The following ADGRL3 variants were observed in gnomAD, a reference collection of about 807,000 sequenced individuals.
ADGRL3 encodes the protein adhesion G protein-coupled receptor L3.
A neutral mutation model predicts 153.5 loss-of-function variants in ADGRL3; 62 were observed. The observed-to-expected ratio is 0.40, with a 90% confidence interval of 0.33 to 0.50. The LOEUF (loss-of-function observed/expected upper bound fraction) is 0.50. Ranked by LOEUF, ADGRL3 falls within the 20% of genes least tolerant of loss-of-function variation. The pLI, the probability that ADGRL3 is intolerant of heterozygous loss-of-function variation, is 0.47. For missense variants in ADGRL3, 1,641 were observed against 1,859.4 expected, an observed-to-expected ratio of 0.88 and a Z score of 2.16; for synonymous variants, 710 against 672.5, an observed-to-expected ratio of 1.06 and a Z score of -0.86.
In ADGRL3 at chr4:61,616,604, C is replaced by T. The variant is rs112735269; in HGVS notation, c.473+29164C>T. On this transcript the variant is annotated intron_variant, in intron 5 of 26. Coordinates refer to ENST00000683033, the MANE Select transcript of ADGRL3 (RefSeq NM_001387552.1). Reference sequence around the variant, plus strand: ...AGTTGGAAAAATAGTCTCTATCCAACTATTGACTACAACCTCCCACATTGA... The same window carrying T: ...AGTTGGAAAAATAGTCTCTATCCAATTATTGACTACAACCTCCCACATTGA... Among the ~76,000 whole-genome samples the T allele has an allele frequency of 1.9e-3, 291 of 152,224 alleles. 3 individuals carry two copies. The highest frequency in any genetic ancestry group is 6.5e-3 in the African/African-American group (269 of 41,572).
rs561160706 is a variant in ADGRL3 at position 61,983,680 on chromosome 4, A to G, written c.3236+77A>G. On this transcript the variant is annotated intron_variant, in intron 19 of 26. Transcript: ENST00000683033. ...GACTTTCTTGGAAGCAAAGGTCTTT[A>G]TATTACCTCACAGTGAAGAAACTGG... is the stretch of plus-strand genomic sequence containing the variant. 145 of 1,261,000 alleles carry G rather than the reference A, an allele frequency of 1.1e-4. 1 individual carries two copies. The African/African-American group carries it at 1.9e-3, about 17-fold the overall frequency. 78.1% of individuals were successfully genotyped at this position (1,261,000 alleles called of 1,614,324 possible).
intron 1 of ADGRL3, among the ~76,000 whole-genome samples, chr4:61,346,499 C>T (rs1009775941): frequency 1.3e-5 from 2 of 151,730 alleles, no homozygotes; most frequent in East Asian, 1.9e-4. Context: ...TGGGGTGGCT[C>T]ATGCCTGTAA....
At chr4:61,830,761 C>A (rs539687897) in intron 9 of ADGRL3, among the ~76,000 whole-genome samples, 2 of 152,234 alleles carry the variant, frequency 1.3e-5, no homozygotes, top group South Asian at 4.1e-4. Flanking sequence ...AATTAATCTA[C>A]AATAGACATA....
intron 8 of ADGRL3, among the ~76,000 whole-genome samples, chr4:61,812,560 A>C (rs934747005): frequency 6.6e-6 from 1 of 152,202 alleles, no homozygotes; most frequent in Non-Finnish European, 1.5e-5. Context: ...GCATATTCCC[A>C]TTGTAGAAAG....
intron 21 of ADGRL3, among the ~76,000 whole-genome samples, chr4:62,011,176 G>T (rs1437711280): frequency 1.3e-5 from 2 of 151,984 alleles, no homozygotes; most frequent in South Asian, 4.1e-4. Context: ...CCATCACTAG[G>T]TTCATGGCTG....
Position 61,732,852 on chromosome 4 carries a change from G to C in ADGRL3, c.697G>C (p.Ala233Pro). ...SGAWCKDPLQ[A>P]SDKIYYMPWT... ...GGCGTGGTGCAAAGACCCTCTGCAG[G>C]CATCTGACAAGATTTATTATATGCC... is the stretch of plus-strand genomic sequence containing the variant. The change falls in exon 8 of 27, where the codon GCA becomes CCA. Residue 233 changes from alanine to proline, a missense_variant. Ala to Pro is a conservative substitution (Grantham distance 27, BLOSUM62 -1). Around this residue, in one of 5 missense-constraint regions of ADGRL3, gnomAD observed 213 missense variants for 362.1 expected, o/e 0.59. Coordinates refer to ENST00000683033, the MANE Select transcript of ADGRL3 (RefSeq NM_001387552.1). 1 of 1,613,346 alleles carries C rather than the reference G, an allele frequency of 6.2e-7. No homozygotes were observed. Among genetic ancestry groups the C allele is most frequent in the Non-Finnish European group, 8.5e-7 (1 of 1,179,674 alleles).
intron 1 of ADGRL3, among the ~76,000 whole-genome samples, chr4:61,366,133 T>C (rs1416353121): frequency 7.6e-6 from 1 of 131,274 alleles, no homozygotes; most frequent in Non-Finnish European, 1.8e-5. Context: ...ATTTAAATAT[T>C]TTCTTTAAAA....
At chr4:61,897,209 G>A (rs972943303) in intron 11 of ADGRL3, among the ~76,000 whole-genome samples, 3 of 152,028 alleles carry the variant, frequency 2.0e-5, no homozygotes, top group Non-Finnish European at 4.4e-5. Flanking sequence ...TTCTTCCAGT[G>A]CATTTTGTTT....
intron 17 of ADGRL3, among the ~76,000 whole-genome samples, chr4:61,978,371 C>G (rs545434161): frequency 6.6e-6 from 1 of 151,440 alleles, no homozygotes. Context: ...GTGTATTATC[C>G]ATGTTTGTGA....
chr4:61,410,893 G>C (rs2097078838), intron 2 of ADGRL3, among the ~76,000 whole-genome samples: 1 of 152,178 alleles, frequency 6.6e-6, no homozygotes, highest in South Asian at 2.1e-4. Flanking sequence ...GATTCCAAAA[G>C]GTCTGAATCA....
chr4:61,695,926 G>A (rs564526899), intron 6 of ADGRL3, among the ~76,000 whole-genome samples: 14 of 152,244 alleles, frequency 9.2e-5, no homozygotes, highest in African/African-American at 3.1e-4. Flanking sequence ...ACCAATGTCT[G>A]CTAGCTTCCA....
At chr4:61,448,791 G>T (rs1560650169) in intron 2 of ADGRL3, among the ~76,000 whole-genome samples, 1 of 63,578 alleles carries the variant, frequency 1.6e-5, no homozygotes, top group African/African-American at 4.0e-5. Context: ...AAGGAGGGAG[G>T]GTAGGAGGGA....
chr4:62,000,685 A>G (rs2099137154), intron 21 of ADGRL3, among the ~76,000 whole-genome samples: 1 of 152,158 alleles, frequency 6.6e-6, no homozygotes, highest in Non-Finnish European at 1.5e-5. Context: ...TAAACCTTTG[A>G]TGGTGCTTTT....
At chr4:61,399,522 T>C in intron 2 of ADGRL3, among the ~76,000 whole-genome samples, 1 of 151,800 alleles carries the variant, frequency 6.6e-6, no homozygotes, top group African/African-American at 2.4e-5. Context: ...AAATGCCATG[T>C]GTGCATATTC....
intron 22 of ADGRL3, among the ~76,000 whole-genome samples, chr4:62,030,681 C>G (rs1385039286): frequency 1.3e-5 from 2 of 151,522 alleles, no homozygotes; most frequent in Non-Finnish European, 3.0e-5. Context: ...GCTTCATCTT[C>G]TCCCTTGAGT....
intron 1 of ADGRL3, among the ~76,000 whole-genome samples, chr4:61,333,778 A>C (rs573814249): frequency 6.6e-6 from 1 of 151,926 alleles, no homozygotes; most frequent in South Asian, 2.1e-4. Flanking sequence ...TAATTAATTT[A>C]TTAATGTATT....
intron 1 of ADGRL3, among the ~76,000 whole-genome samples, chr4:61,219,708 C>T (rs996710955): frequency 9.9e-5 from 15 of 152,160 alleles, no homozygotes; most frequent in African/African-American, 3.4e-4. Flanking sequence ...TCCCCGTGTT[C>T]TGCCCTCTAA....
chr4:61,548,491 T>G (rs2098724763), intron 4 of ADGRL3, among the ~76,000 whole-genome samples: 1 of 152,132 alleles, frequency 6.6e-6, no homozygotes, highest in Non-Finnish European at 1.5e-5. Context: ...GTCAGTCTTC[T>G]GAATATGGCT....
At chr4:61,232,487 T>A (rs945567447) in intron 1 of ADGRL3, among the ~76,000 whole-genome samples, 8 of 152,082 alleles carry the variant, frequency 5.3e-5, no homozygotes, top group African/African-American at 1.9e-4. Context: ...TTTTGTATTT[T>A]TAGTAGAGAC....
Sources: gnomAD v4.1 joint callset for allele counts (sites outside exome capture counted in the v4.1 genomes callset) on GRCh38, gnomAD v4.1.1 for gene constraint, gnomAD v4.1.1 regional missense constraint, MANE v1.5 for transcripts, NCBI Gene and HGNC (gene_info 2026-07-23, HGNC 2026-07-21) for gene names.